The following FTCDNL1 variants were observed in gnomAD, a reference collection of about 807,000 sequenced individuals.
The protein encoded by FTCDNL1 is formiminotransferase N-terminal subdomain-containing protein.
A neutral mutation model predicts 5.9 loss-of-function variants in FTCDNL1; 11 were observed. That is an observed-to-expected ratio of 1.87 (90% confidence interval 1.18 to 3.10). FTCDNL1 has a LOEUF of 3.10. Ranked by LOEUF, FTCDNL1 falls within the 30% of genes most tolerant of loss-of-function variation. The probability of loss-of-function intolerance (pLI) is 0.00; values close to 1 mark genes in which losing one functional copy is unlikely to be tolerated. For missense variants in FTCDNL1, 115 were observed against 65.5 expected (o/e 1.76, Z -2.61); for synonymous variants, 58 against 24.8 (o/e 2.34, Z -3.99).
the FTCDNL1 span, among the ~76,000 whole-genome samples, chr2:199,688,230 C>CAAAA: frequency 0.076 from 9,154 of 119,934 alleles, 506 homozygotes; most frequent in Middle Eastern, 0.11. Context: ...GACTCTGTCT[C>CAAAA]AAAAAAAAAA....
the FTCDNL1 span, among the ~76,000 whole-genome samples, chr2:199,743,410 C>G: frequency 6.6e-6 from 1 of 152,182 alleles, no homozygotes; most frequent in African/African-American, 2.4e-5. Flanking sequence ...TGAATGTTAG[C>G]CTGAACATCC....
At chr2:199,805,321 C>T (rs970175191), downstream of FTCDNL1, among the ~76,000 whole-genome samples, 3 of 152,126 alleles carry the variant, frequency 2.0e-5, no homozygotes, top group African/African-American at 7.2e-5. Flanking sequence ...AGTATGGGGC[C>T]AGGTGCAGTG....
the FTCDNL1 span, among the ~76,000 whole-genome samples, chr2:199,752,844 G>A: frequency 1.3e-4 from 19 of 151,692 alleles, no homozygotes; most frequent in African/African-American, 4.1e-4. Context: ...GAGAGAGAGA[G>A]AGACAGACAA....
At chr2:199,675,560 T>C in the FTCDNL1 span, among the ~76,000 whole-genome samples, 3 of 152,166 alleles carry the variant, frequency 2.0e-5, no homozygotes, top group African/African-American at 7.2e-5. Context: ...TGATTTTTTT[T>C]TCTCTCATAA....
At chr2:199,728,810 T>C in the FTCDNL1 span, among the ~76,000 whole-genome samples, 1 of 152,198 alleles carries the variant, frequency 6.6e-6, no homozygotes, top group Non-Finnish European at 1.5e-5. Flanking sequence ...TGAGCCTAAA[T>C]CAAAGCCTAT....
the FTCDNL1 span, among the ~76,000 whole-genome samples, chr2:199,737,204 C>T: frequency 6.6e-6 from 1 of 152,232 alleles, no homozygotes; most frequent in African/African-American, 2.4e-5. Flanking sequence ...TAACTAATCA[C>T]TCTCTGCCTC....
intron 3 of FTCDNL1, among the ~76,000 whole-genome samples, chr2:199,769,884 A>G (rs1698726339): frequency 5.3e-5 from 8 of 151,898 alleles, no homozygotes; most frequent in Admixed American, 4.6e-4. Context: ...TCTGTTTCCT[A>G]CAAGGAACCT....
the FTCDNL1 span, among the ~76,000 whole-genome samples, chr2:199,709,192 C>A: frequency 6.6e-6 from 1 of 152,102 alleles, no homozygotes; most frequent in Non-Finnish European, 1.5e-5. Context: ...TCCATCATGA[C>A]CAGATGCAAA....
chr2:199,750,394 A>C, the FTCDNL1 span, among the ~76,000 whole-genome samples: 1 of 151,658 alleles, frequency 6.6e-6, no homozygotes, highest in African/African-American at 2.4e-5. Context: ...TAAATTGCAA[A>C]TCTCAGTTGC....
At chr2:199,751,084 T>C in the FTCDNL1 span, among the ~76,000 whole-genome samples, 8 of 152,174 alleles carry the variant, frequency 5.3e-5, 1 homozygote, top group African/African-American at 1.9e-4. Flanking sequence ...CTGGATTATA[T>C]TCCCAGCTCA....
chr2:199,796,680 T>C (rs1434892688), intron 3 of FTCDNL1, among the ~76,000 whole-genome samples: 1 of 152,196 alleles, frequency 6.6e-6, no homozygotes, highest in African/African-American at 2.4e-5. Context: ...ACACAGTCTC[T>C]GCTGCTAAAG....
chr2:199,748,612 CCT>C, the FTCDNL1 span, among the ~76,000 whole-genome samples: 1 of 152,148 alleles, frequency 6.6e-6, no homozygotes, highest in African/African-American at 2.4e-5. Context: ...CTAATCAGCC[CCT>C]GATCTGTGAG....
At chr2:199,734,093 C>T in the FTCDNL1 span, among the ~76,000 whole-genome samples, 1 of 152,064 alleles carries the variant, frequency 6.6e-6, no homozygotes, top group Non-Finnish European at 1.5e-5. Context: ...AGCCTGGTTT[C>T]CTGAATTTTA....
chr2:199,799,823 C>T (rs1700354508), intron 3 of FTCDNL1, among the ~76,000 whole-genome samples: 1 of 152,092 alleles, frequency 6.6e-6, no homozygotes, highest in Admixed American at 6.5e-5. Flanking sequence ...GAATGTTTTG[C>T]CATTCCCAGA....
intron 3 of FTCDNL1, among the ~76,000 whole-genome samples, chr2:199,829,083 A>C (rs953023883): frequency 6.6e-6 from 1 of 152,218 alleles, no homozygotes; most frequent in African/African-American, 2.4e-5. Context: ...ATATATATGA[A>C]TCACCTGTTC....
chr2:199,707,548 T>A, the FTCDNL1 span, among the ~76,000 whole-genome samples: 17 of 152,188 alleles, frequency 1.1e-4, no homozygotes, highest in East Asian at 3.1e-3. Context: ...ATATTGATAA[T>A]TTGGTTTTTC....
At chr2:199,803,542 G>A (rs1574559272) in intron 3 of FTCDNL1, among the ~76,000 whole-genome samples, 1 of 152,188 alleles carries the variant, frequency 6.6e-6, no homozygotes, top group Non-Finnish European at 1.5e-5. Context: ...ATGTCTCACT[G>A]CAGCCTTGAT....
chr2:199,722,143 T>G, the FTCDNL1 span, among the ~76,000 whole-genome samples: 2 of 152,248 alleles, frequency 1.3e-5, no homozygotes, highest in African/African-American at 2.4e-5. Context: ...AGATCTCATT[T>G]GTCAATTTTT....
At chr2:199,835,893 T>C (rs1441419009) in intron 3 of FTCDNL1, among the ~76,000 whole-genome samples, 5 of 152,222 alleles carry the variant, frequency 3.3e-5, no homozygotes, top group East Asian at 1.9e-4. Flanking sequence ...CCCCTGGGGC[T>C]CCCTTTGTTA....
Sources: allele counts gnomAD v4.1 joint callset (sites outside exome capture counted in the v4.1 genomes callset), GRCh38; gene constraint gnomAD v4.1.1; transcripts MANE v1.5; gene names NCBI Gene and HGNC (gene_info 2026-07-23, HGNC 2026-07-21).